Variants in HCFC1 observed in about 807,000 individuals in gnomAD.
HCFC1 encodes the protein host cell factor 1.
In HCFC1, 7 loss-of-function variants were observed where a neutral mutation model predicts 105.5. That is an observed-to-expected ratio of 0.07 (90% CI 0.04 to 0.12). The LOEUF is 0.12. HCFC1 is among the 10% of genes least tolerant of loss of function. The pLI is 1.00. For missense variants in HCFC1, 1,065 were observed against 1,823.6 expected (o/e 0.58, Z 7.58); for synonymous variants, 918 against 828.1 (o/e 1.11, Z -1.86).
chrX:153,955,636 C>G (rs1557114693), intron 16 of HCFC1, 94 bp from the exon 17 acceptor site: 33 of 892,859 alleles, frequency 3.7e-5, no homozygotes, highest in Non-Finnish European at 4.6e-5. Context: ...AGGCTGGGAC[C>G]ACTGACCACT....
intron 1 of HCFC1, among the ~76,000 whole-genome samples, chrX:153,967,237 C>T (rs1427139968): frequency 8.9e-6 from 1 of 112,113 alleles, no homozygotes; most frequent in Non-Finnish European, 1.9e-5. Flanking sequence ...GTAACCCAAT[C>T]CTTGGGCCCC....
At chrX:153,967,605 T>A (rs942022753) in intron 1 of HCFC1, among the ~76,000 whole-genome samples, 1 of 112,186 alleles carries the variant, frequency 8.9e-6, no homozygotes. Flanking sequence ...GAAGGCTGCA[T>A]GCCCCCCTCC....
At chrX:153,969,681 G>A (rs1557119414) in intron 1 of HCFC1, 1 of 113,110 alleles carries the variant, frequency 8.8e-6, no homozygotes, top group African/African-American at 3.2e-5. Context: ...AGGCTACTAG[G>A]CAGAGGCAAC....
chrX:153,953,815 G>A (rs782664455), intron 17 of HCFC1, 45 bp from the exon 18 acceptor site: 26 of 1,150,066 alleles, frequency 2.3e-5, no homozygotes, highest in Non-Finnish European at 2.8e-5. Flanking sequence ...GAGCCCCCCC[G>A]GCCTGTACTT....
chrX:153,952,177 A>C lies in HCFC1; in HGVS notation c.4943-19T>G, dbSNP rs1199146194. Reference sequence around the variant, plus strand: ...CCGGTGCCTGCTCCAGGGTCGAGAGAAACACTACTTACTAGGAAGGCTGGC... The same window carrying C: ...CCGGTGCCTGCTCCAGGGTCGAGAGCAACACTACTTACTAGGAAGGCTGGC... On this transcript the variant is annotated intron_variant, in intron 19 of 25. Transcript: ENST00000310441. 4 of 1,092,624 alleles carry C rather than the reference A, an allele frequency of 3.7e-6. No individual in the cohort carries two copies. The highest frequency in any genetic ancestry group is 4.7e-6 in the Non-Finnish European group (4 of 843,048). The allele number at this position is 1,092,624 out of a possible 1,213,427, so 90.0% of individuals were successfully genotyped here.
intron 13 of HCFC1, 39 bp downstream of exon 13, chrX:153,957,275 A>G: frequency 9.1e-7 from 1 of 1,097,841 alleles, no homozygotes; most frequent in Admixed American, 2.5e-5. Flanking sequence ...CCCTCCAGTG[A>G]GGACTTGCAG....
At position 153,963,793 on chromosome X, in the gene HCFC1, A is replaced by G. The variant is rs1209459585; in HGVS notation, c.503+331T>C. ...AGTCCTTGGCCACGGGCCTTGGAAA[A>G]TACCCATCAGGAAACTTGTAGGCAG... On this transcript the variant is annotated intron_variant, in intron 3 of 25. Transcript: ENST00000310441. Among the ~76,000 whole-genome samples the G allele has an allele frequency of 2.7e-5, 3 of 112,475 alleles. No individual in the cohort carries two copies. In the Admixed American group the frequency reaches 2.8e-4, roughly 10 times the overall value.
intron 16 of HCFC1, among the ~76,000 whole-genome samples, chrX:153,955,883 ATATG>A (rs2065370850): frequency 8.8e-6 from 1 of 113,062 alleles, no homozygotes; most frequent in Non-Finnish European, 1.9e-5. Context: ...GTTTTCCTTA[ATATG>A]TATGAACAGA....
intron 1 of HCFC1, among the ~76,000 whole-genome samples, chrX:153,969,556 CT>C (rs1239343798): frequency 8.9e-6 from 1 of 112,972 alleles, no homozygotes; most frequent in Non-Finnish European, 1.9e-5. Flanking sequence ...CAGTAGGCAA[CT>C]TGGGAACTGA....
intron 6 of HCFC1, among the ~76,000 whole-genome samples, chrX:153,961,222 C>T (rs1160534980): frequency 6.2e-5 from 7 of 112,268 alleles, no homozygotes; most frequent in Admixed American, 2.8e-4. Context: ...TATGAAGAGC[C>T]CCTGCAGGGT....
intron 8 of HCFC1, 52 bp downstream of exon 8, chrX:153,959,750 C>G: frequency 8.8e-7 from 1 of 1,141,542 alleles, no homozygotes; most frequent in Non-Finnish European, 1.2e-6. Context: ...GCCGCTGCCT[C>G]TCCCCGGAGG....
chrX:153,957,224 A>C, intron 13 of HCFC1, 90 bp downstream of exon 13: 1 of 987,374 alleles, frequency 1.0e-6, no homozygotes, highest in Admixed American at 2.7e-5. Context: ...AGGGTAAACT[A>C]AACAGAAACA....
In HCFC1 at chrX:153,971,724, A is replaced by G. The variant is rs2065537341; in HGVS notation, c.-884T>C. On this transcript the variant is annotated 5_prime_UTR_variant, in exon 1 of 26. Transcript: ENST00000310441. ...CCTTCCCACAGGAGCCGCTTCAAAG[A>G]GCTAGAGTTAGGCCCCGAAGCGGCA... 1 of 296,552 alleles carries G rather than the reference A, an allele frequency of 3.4e-6. No homozygotes were observed. The highest frequency in any genetic ancestry group is 2.0e-4 in the South Asian group (1 of 5,017). 24.4% of individuals were successfully genotyped at this position (296,552 alleles called of 1,213,427 possible). A position where few individuals can be genotyped will look rare whatever the true frequency, so the allele number is the denominator to read the frequency against.
In HCFC1 at chrX:153,963,202, T is replaced by C. The variant is rs782452297; in HGVS notation, c.712+23A>G. ...CAGACCCGCTTTGTCCCATGGCTGCTGGGGTGCTACCACCCTGCTCACCAA... is the reference window on the plus strand; with the variant it reads ...CAGACCCGCTTTGTCCCATGGCTGCCGGGGTGCTACCACCCTGCTCACCAA... On this transcript the variant is annotated intron_variant, in intron 4 of 25. Coordinates refer to ENST00000310441, the MANE Select transcript of HCFC1 (RefSeq NM_005334.3). The C allele has an allele frequency of 3.4e-6, 4 of 1,160,788 alleles. No homozygotes were observed. The African/African-American group carries it at 7.1e-5, about 21-fold the overall frequency.
chrX:153,953,783 C>T lies in HCFC1; in HGVS notation c.4334-13G>A. ...GCAGGTGGGGGGTCTGTGGGGGCGACAGGCAGGCGGCTGCTCAGCAGGAGC... is the reference window on the plus strand; with the variant it reads ...GCAGGTGGGGGGTCTGTGGGGGCGATAGGCAGGCGGCTGCTCAGCAGGAGC... On this transcript the variant is annotated splice_polypyrimidine_tract_variant and intron_variant, in intron 17 of 25. Coordinates refer to ENST00000310441, the MANE Select transcript of HCFC1 (RefSeq NM_005334.3). The T allele has an allele frequency of 8.4e-7, 1 of 1,193,504 alleles. No homozygotes were observed. Among genetic ancestry groups the T allele is most frequent in the South Asian group, 1.8e-5 (1 of 55,218 alleles).
intron 4 of HCFC1, 120 bp downstream of exon 4, chrX:153,963,105 G>T: frequency 1.8e-6 from 1 of 543,196 alleles, no homozygotes; most frequent in Non-Finnish European, 3.2e-6. Context: ...AAAGCACGAA[G>T]TGGTATGCTC....
At chrX:153,961,415 T>C (rs1244586217) in intron 6 of HCFC1, 127 bp downstream of exon 6, 1 of 469,175 alleles carries the variant, frequency 2.1e-6, no homozygotes, top group East Asian at 3.7e-5. Context: ...ACTGGATCCT[T>C]CCAGTGGATT....
chrX:153,968,652 G>C (rs1431097861), intron 1 of HCFC1, among the ~76,000 whole-genome samples: 1 of 112,551 alleles, frequency 8.9e-6, no homozygotes, highest in African/African-American at 3.2e-5. Flanking sequence ...TGCCAAAGTG[G>C]TCAATTCATT....
chrX:153,953,460 G>A, intron 18 of HCFC1, 147 bp downstream of exon 18: 1 of 540,150 alleles, frequency 1.9e-6, no homozygotes, highest in Non-Finnish European at 2.9e-6. Context: ...TGCCGCAGCA[G>A]GCACCGAGGC....
Sources: allele counts gnomAD v4.1 joint callset (sites outside exome capture counted in the v4.1 genomes callset), GRCh38; gene constraint gnomAD v4.1.1; transcripts MANE v1.5; gene names NCBI Gene and HGNC (gene_info 2026-07-23, HGNC 2026-07-21).